ABCB5: variants seen among roughly 807,000 people sequenced by gnomAD.
ABCB5 encodes ATP-binding cassette sub-family B member 5.
ABCB5 carries 155 observed loss-of-function variants against 144.2 expected under a neutral mutation model. The ratio of observed to expected loss-of-function variants is 1.08; its 90% confidence interval spans 0.94 to 1.23. The LOEUF is 1.23. ABCB5 is among the 50% of genes most tolerant of loss of function. The pLI, the probability that ABCB5 is intolerant of heterozygous loss-of-function variation, is 0.00. For synonymous variants in ABCB5, 610 were observed against 528.6 expected (o/e 1.15, Z -2.11); for missense variants, 1,830 against 1,520.8 (o/e 1.20, Z -3.38).
intron 24 of ABCB5, among the ~76,000 whole-genome samples, chr7:20,739,486 A>G (rs1782493511): frequency 1.3e-5 from 2 of 152,232 alleles, no homozygotes; most frequent in South Asian, 4.1e-4. Flanking sequence ...AAGAGTTAAA[A>G]GTTTGTGCAA....
chr7:20,617,338 C>G (rs553338426), intron 1 of ABCB5, among the ~76,000 whole-genome samples: 1 of 152,084 alleles, frequency 6.6e-6, no homozygotes, highest in Non-Finnish European at 1.5e-5. Flanking sequence ...TGGGGCAAGG[C>G]CTAGGTAGGT....
chr7:20,629,929 A>G (rs1784000213), intron 4 of ABCB5, among the ~76,000 whole-genome samples: 1 of 152,200 alleles, frequency 6.6e-6, no homozygotes, highest in Non-Finnish European at 1.5e-5. Context: ...AGAAAATTAT[A>G]CAACTAGAGA....
At chr7:20,681,223 T>C (rs2128038981) in intron 14 of ABCB5, among the ~76,000 whole-genome samples, 1 of 151,674 alleles carries the variant, frequency 6.6e-6, no homozygotes, top group South Asian at 2.1e-4. Context: ...GCCTCCTAGG[T>C]TCAAGCGATT....
intron 5 of ABCB5, chr7:20,641,930 A>T (rs1004226): frequency 0.11 from 16,394 of 152,232 alleles, 953 homozygotes; most frequent in East Asian, 0.16. Context: ...GGCGTCCATT[A>T]GTCTGGCAGT....
intron 25 of ABCB5, among the ~76,000 whole-genome samples, chr7:20,744,585 A>T (rs1782661669): frequency 6.7e-6 from 1 of 149,446 alleles, no homozygotes; most frequent in Non-Finnish European, 1.5e-5. Flanking sequence ...TGTTTATTGC[A>T]TGCCTCTCTG....
intron 14 of ABCB5, among the ~76,000 whole-genome samples, chr7:20,664,365 G>A (rs534882945): frequency 3.9e-5 from 6 of 152,170 alleles, no homozygotes; most frequent in African/African-American, 1.2e-4. Context: ...TTATACTATT[G>A]TATAAATAAC....
intron 16 of ABCB5, among the ~76,000 whole-genome samples, chr7:20,692,689 T>C (rs1437714236): frequency 6.6e-6 from 1 of 152,018 alleles, no homozygotes; most frequent in East Asian, 1.9e-4. Flanking sequence ...AAGACAAGTA[T>C]TAGTAAAATG....
At chr7:20,696,529 C>A (rs1480658246) in intron 16 of ABCB5, among the ~76,000 whole-genome samples, 1 of 152,000 alleles carries the variant, frequency 6.6e-6, no homozygotes, top group African/African-American at 2.4e-5. Context: ...TTTCCTGAGT[C>A]TGTAGCAGTG....
At position 20,649,415 on chromosome 7, in the gene ABCB5, C is replaced by T. The variant is rs117176239; in HGVS notation, c.1207-607C>T. Among the ~76,000 whole-genome samples the T allele has an allele frequency of 1.5e-3, 235 of 152,258 alleles. 3 individuals are homozygous for T. The highest frequency in any genetic ancestry group is 0.01 in the Admixed American group (157 of 15,286). On this transcript the variant is annotated intron_variant, in intron 11 of 27. Coordinates refer to ENST00000404938, the MANE Select transcript of ABCB5 (RefSeq NM_001163941.2). ...CTCAACAGGATCACTGTTGTCATTT[C>T]GAGAGGGTAATTATTGTGAGGCTTC...
In ABCB5 at chr7:20,643,232, T is replaced by C. The variant is rs1459542443; in HGVS notation, c.363T>C (p.Gly121=). 3.7e-6 allele frequency: 6 copies of C among 1,613,448 alleles called. No homozygotes were observed. The African/African-American group carries it at 6.7e-5, about 18-fold the overall frequency. The part of the protein sequence containing the change: ...VGIGVAALIF[G]YIQISLWIIT... ...TAGGTGTTGCTGCCTTGATTTTTGG[T>C]TACATACAGATTTCCTTGTGGATTA... The change falls in exon 6 of 28, where the codon GGT becomes GGC. Residue 121 remains glycine, a synonymous_variant. Coordinates refer to ENST00000404938, the MANE Select transcript of ABCB5 (RefSeq NM_001163941.2).
At chr7:20,752,158 G>C (rs1782951433) in intron 26 of ABCB5, among the ~76,000 whole-genome samples, 1 of 152,310 alleles carries the variant, frequency 6.6e-6, no homozygotes, top group South Asian at 2.1e-4. Flanking sequence ...CATGTGAAAT[G>C]CTGCTACAGG....
intron 21 of ABCB5, 27 bp from the exon 22 acceptor site, chr7:20,727,013 C>A: frequency 6.7e-7 from 1 of 1,500,416 alleles, no homozygotes; most frequent in Non-Finnish European, 9.1e-7. Context: ...AATTTTATTT[C>A]TATATTGTAT....
In ABCB5 at chr7:20,728,201, C is replaced by A; in HGVS notation, c.2727-114C>A. ...TTTCTCTTTCATCATTCGAAAAATG[C>A]CTTTCCACCAAATTATAACATTTCA... On this transcript the variant is annotated intron_variant, in intron 22 of 27. Transcript: ENST00000404938. 3.2e-6 allele frequency: 4 copies of A among 1,257,222 alleles called. No individual in the cohort carries two copies. The South Asian group carries it at 5.4e-5, about 17-fold the overall frequency. 77.9% of individuals were successfully genotyped at this position (1,257,222 alleles called of 1,614,324 possible).
chr7:20,721,350 T>C (rs961236940), intron 20 of ABCB5, among the ~76,000 whole-genome samples: 3 of 152,236 alleles, frequency 2.0e-5, no homozygotes, highest in Admixed American at 2.0e-4. Context: ...GGACTAGTGA[T>C]AGTATCCATC....
chr7:20,744,545 C>T (rs1782660117), intron 25 of ABCB5, among the ~76,000 whole-genome samples: 1 of 151,374 alleles, frequency 6.6e-6, no homozygotes, highest in Non-Finnish European at 1.5e-5. Context: ...GTACTTTCCT[C>T]TCCTGAGTTT....
rs1480860889 is a variant in ABCB5 at position 20,651,379 on chromosome 7, G to A, written c.1333-41G>A. The stretch of plus-strand genomic sequence containing the variant: ...TATGAAAAACCCTAAAATCAATACA[G>A]TAAAAGGCATCACAACATGGTTCAT... On this transcript the variant is annotated intron_variant, in intron 12 of 27. Coordinates refer to ENST00000404938, the MANE Select transcript of ABCB5 (RefSeq NM_001163941.2). 3 of 1,604,670 alleles carry A rather than the reference G, an allele frequency of 1.9e-6. No individual in the cohort carries two copies. The South Asian group carries it at 3.3e-5, about 18-fold the overall frequency.
intron 14 of ABCB5, among the ~76,000 whole-genome samples, chr7:20,664,038 CAA>C (rs201201204): frequency 0.035 from 5,004 of 143,108 alleles, 246 homozygotes; most frequent in African/African-American, 0.11. Flanking sequence ...TTTTTTTTAC[CAA>C]AAAGAGAGAG....
At chr7:20,754,845 G>A (rs1783036364) in intron 27 of ABCB5, among the ~76,000 whole-genome samples, 2 of 152,084 alleles carry the variant, frequency 1.3e-5, no homozygotes, top group Non-Finnish European at 2.9e-5. Context: ...ACTACTTCCT[G>A]ACTGTGAGTT....
chr7:20,683,983 T>G (rs1448059206), intron 15 of ABCB5, among the ~76,000 whole-genome samples: 1 of 158 alleles, frequency 6.3e-3, no homozygotes, highest in African/African-American at 0.028. Context: ...TTTTAGTCCT[T>G]GGCAAGTTAT....
Sources: allele counts gnomAD v4.1 joint callset (sites outside exome capture counted in the v4.1 genomes callset), GRCh38; gene constraint gnomAD v4.1.1; transcripts MANE v1.5; gene names NCBI Gene and HGNC (gene_info 2026-07-23, HGNC 2026-07-21).